The following TBC1D4 variants were observed in gnomAD, a reference collection of about 807,000 sequenced individuals.
The protein encoded by TBC1D4 is TBC (Tre-2, BUB2, CDC16) domain-containing protein.
A neutral mutation model predicts 142.5 loss-of-function variants in TBC1D4; 121 were observed. The observed-to-expected ratio is 0.85, with a 90% CI of 0.73 to 0.99. The LOEUF is 0.99. TBC1D4 is among the 50% of genes least tolerant of loss of function. TBC1D4 has a pLI of 0.00. For missense variants in TBC1D4, 1,475 were observed against 1,606.6 expected, an observed-to-expected ratio of 0.92 and a Z score of 1.40; for synonymous variants, 630 against 628.2, an observed-to-expected ratio of 1.00 and a Z score of -0.04.
Position 75,401,197 on chromosome 13 carries a change from C to G in TBC1D4, c.499-38590G>C, listed in dbSNP as rs1408080353. Among the ~76,000 whole-genome samples the G allele has an allele frequency of 3.9e-5, 6 of 152,270 alleles. No homozygotes were observed. The East Asian group carries it at 9.6e-4, about 24-fold the overall frequency. ...CTACATACTCCCCTTCTCCCTGACCCAGCTCTACCCTCAAGCTTGTGTGAC... is the reference window on the plus strand; with the variant it reads ...CTACATACTCCCCTTCTCCCTGACCGAGCTCTACCCTCAAGCTTGTGTGAC... On this transcript the variant is annotated intron_variant, in intron 1 of 20. Coordinates refer to ENST00000377636, the MANE Select transcript of TBC1D4 (RefSeq NM_014832.5).
At chr13:75,409,637 A>G (rs527497218) in intron 1 of TBC1D4, among the ~76,000 whole-genome samples, 1 of 152,378 alleles carries the variant, frequency 6.6e-6, no homozygotes, top group African/African-American at 2.4e-5. Context: ...GAAACTTCAC[A>G]GTAAAATACA....
At chr13:75,443,888 CAGA>C (rs1477156020) in intron 1 of TBC1D4, among the ~76,000 whole-genome samples, 8 of 151,480 alleles carry the variant, frequency 5.3e-5, no homozygotes, top group Non-Finnish European at 8.8e-5. Context: ...TACTGGGAAT[CAGA>C]AGAAGATACA....
At chr13:75,430,217 T>A (rs1176539776) in intron 1 of TBC1D4, among the ~76,000 whole-genome samples, 1 of 152,228 alleles carries the variant, frequency 6.6e-6, no homozygotes, top group African/African-American at 2.4e-5. Flanking sequence ...TAAAATTTAC[T>A]CTATAATCTT....
At chr13:75,393,934 A>AAC (rs992652747) in intron 1 of TBC1D4, among the ~76,000 whole-genome samples, 10 of 151,874 alleles carry the variant, frequency 6.6e-5, no homozygotes, top group African/African-American at 2.4e-4. Context: ...TCTCAAAAAA[A>AAC]AAAAAACAAA....
At chr13:75,404,486 T>G (rs578223809) in intron 1 of TBC1D4, among the ~76,000 whole-genome samples, 2 of 152,314 alleles carry the variant, frequency 1.3e-5, no homozygotes, top group East Asian at 3.9e-4. Flanking sequence ...TTAATGACTG[T>G]GACAGTTTTG....
chr13:75,408,207 A>G (rs539598210), intron 1 of TBC1D4, among the ~76,000 whole-genome samples: 1 of 152,308 alleles, frequency 6.6e-6, no homozygotes, highest in Admixed American at 6.5e-5. Flanking sequence ...TGTCATATTA[A>G]TATGTGGTCT....
At chr13:75,327,403 G>C (rs952091374) in intron 9 of TBC1D4, among the ~76,000 whole-genome samples, 2 of 151,794 alleles carry the variant, frequency 1.3e-5, no homozygotes, top group East Asian at 1.9e-4. Context: ...AAAATGAGGG[G>C]GGAAAATAAC....
chr13:75,288,175 A>G (rs1238807577), intron 20 of TBC1D4, among the ~76,000 whole-genome samples: 1 of 152,174 alleles, frequency 6.6e-6, no homozygotes, highest in African/African-American at 2.4e-5. Flanking sequence ...TATTACATGT[A>G]ACATTTGCAT....
At chr13:75,366,169 AG>A (rs1315269539) in intron 1 of TBC1D4, among the ~76,000 whole-genome samples, 1 of 152,228 alleles carries the variant, frequency 6.6e-6, no homozygotes, top group Non-Finnish European at 1.5e-5. Context: ...ATTTAAGGCA[AG>A]ATTTCTACTC....
intron 1 of TBC1D4, among the ~76,000 whole-genome samples, chr13:75,383,328 C>T (rs1883968630): frequency 6.6e-6 from 1 of 152,148 alleles, no homozygotes; most frequent in Admixed American, 6.6e-5. Context: ...GTCTCCCCAA[C>T]AACAAAAACA....
At chr13:75,288,912 G>A (rs1317534458) in intron 20 of TBC1D4, 22 bp downstream of exon 20, 2 of 1,612,384 alleles carry the variant, frequency 1.2e-6, no homozygotes, top group East Asian at 2.2e-5. Flanking sequence ...GTACTTATTT[G>A]CTCAAATCTT....
intron 1 of TBC1D4, among the ~76,000 whole-genome samples, chr13:75,451,487 T>A (rs1887527753): frequency 6.7e-6 from 1 of 149,538 alleles, no homozygotes; most frequent in Non-Finnish European, 1.5e-5. Flanking sequence ...ATATTTATAA[T>A]ACATATTTTG....
intron 1 of TBC1D4, among the ~76,000 whole-genome samples, chr13:75,444,506 A>G (rs1039496314): frequency 2.0e-5 from 3 of 152,226 alleles, no homozygotes; most frequent in Non-Finnish European, 4.4e-5. Flanking sequence ...AATGGAAAAA[A>G]CAAGGTGATC....
chr13:75,474,383 C>T (rs1441863243), intron 1 of TBC1D4, among the ~76,000 whole-genome samples: 1 of 152,154 alleles, frequency 6.6e-6, no homozygotes, highest in Non-Finnish European at 1.5e-5. Flanking sequence ...CACGGTGAAA[C>T]CCCGTCTCTA....
rs1882600360 is a variant in TBC1D4 at position 75,362,361 on chromosome 13, C to T, written c.745G>A (p.Gly249Arg). 6.2e-7 allele frequency: 1 copy of T among 1,614,116 alleles called. No homozygotes were observed. Among genetic ancestry groups the T allele is most frequent in the Admixed American group, 1.7e-5 (1 of 60,016 alleles). ...ACCTCCAAGTCAGCCAGGTCCTCTC[C>T]TGGGTCCGGACCGCGCTGCTCCCCT... ...IQGEQRGPDP[G>R]EDLADLEVVV... The change falls in exon 2 of 21, where the codon GGA becomes AGA. Residue 249 changes from glycine (G) to arginine (R), a missense_variant. Coordinates refer to ENST00000377636, the MANE Select transcript of TBC1D4 (RefSeq NM_014832.5). The surrounding 1 kb of genome is among the most constrained non-coding windows in gnomAD (Gnocchi z 4.2).
At chr13:75,392,865 C>G (rs1262396033) in intron 1 of TBC1D4, among the ~76,000 whole-genome samples, 1 of 152,032 alleles carries the variant, frequency 6.6e-6, no homozygotes, top group African/African-American at 2.4e-5. Flanking sequence ...GTCTTGAACT[C>G]CTAGCCTTAA....
chr13:75,450,486 T>G (rs934227092), intron 1 of TBC1D4, among the ~76,000 whole-genome samples: 2 of 152,220 alleles, frequency 1.3e-5, no homozygotes, highest in Non-Finnish European at 2.9e-5. Flanking sequence ...TTCTGGCTTT[T>G]TTTCCAGGAA....
chr13:75,462,046 G>A (rs569709718), intron 1 of TBC1D4, among the ~76,000 whole-genome samples: 17 of 152,174 alleles, frequency 1.1e-4, no homozygotes, highest in Non-Finnish European at 2.5e-4. Context: ...ACAGTGTGGT[G>A]ATGACAATGT....
intron 1 of TBC1D4, among the ~76,000 whole-genome samples, chr13:75,391,573 T>C (rs1345352850): frequency 6.6e-6 from 1 of 152,232 alleles, no homozygotes; most frequent in Non-Finnish European, 1.5e-5. Context: ...TGCTAGGTTT[T>C]CTCCACTTCA....
Sources: gnomAD v4.1 joint callset for allele counts (sites outside exome capture counted in the v4.1 genomes callset) on GRCh38, gnomAD v4.1.1 for gene constraint, Gnocchi (gnomAD v3.1) non-coding constraint, MANE v1.5 for transcripts, NCBI Gene and HGNC (gene_info 2026-07-23, HGNC 2026-07-21) for gene names.